Variants in BPHL observed in about 807,000 individuals in gnomAD.
BPHL encodes serine hydrolase BPHL.
In BPHL, 27 loss-of-function variants were observed where a neutral mutation model predicts 31.2. The observed-to-expected ratio is 0.87, with a 90% CI of 0.64 to 1.19. The LOEUF (loss-of-function observed/expected upper bound fraction) is 1.19, where lower values mean the gene tolerates loss of function less well. Among genes scored for constraint, BPHL ranks in the 50% most tolerant of loss-of-function variants. BPHL has a pLI of 0.00. For missense variants in BPHL, 356 were observed against 375.7 expected (o/e 0.95, Z 0.43); for synonymous variants, 150 against 146.8 (o/e 1.02, Z -0.16).
intron 1 of BPHL, among the ~76,000 whole-genome samples, chr6:3,119,094 G>T (rs1300354202): frequency 1.3e-5 from 2 of 151,654 alleles, no homozygotes; most frequent in African/African-American, 4.9e-5. Context: ...AGCCGTGGAG[G>T]CTTGGGCTAT....
At chr6:3,137,607 T>C in intron 5 of BPHL, 114 bp downstream of exon 5, 1 of 1,418,978 alleles carries the variant, frequency 7.0e-7, no homozygotes, top group East Asian at 2.3e-5. Context: ...CCTCACACGC[T>C]CATGTGTGAG....
intron 4 of BPHL, among the ~76,000 whole-genome samples, chr6:3,131,897 C>T: frequency 6.6e-6 from 1 of 152,204 alleles, no homozygotes. Flanking sequence ...AGCCCTGAGA[C>T]CTGGCGGTGC....
At chr6:3,136,710 A>G (rs1403455362) in intron 4 of BPHL, among the ~76,000 whole-genome samples, 4 of 152,236 alleles carry the variant, frequency 2.6e-5, no homozygotes, top group Non-Finnish European at 4.4e-5. Flanking sequence ...ATCTTTACTT[A>G]TCACAGTGTA....
Position 3,127,335 on chromosome 6 carries a change from C to G in BPHL, c.305C>G (p.Ser102Cys). The part of the protein sequence containing the change: ...VAWDPRGYGH[S>C]RPPDRDFPAD... ...TGGGATCCTCGAGGCTATGGACATT[C>G]CAGGCCCCCAGATCGCGATTTCCCA... Residue 102 changes from serine (S) to cysteine (C), a missense_variant, in exon 3 of 7, where the codon TCC becomes TGC. Ser to Cys is a moderately radical substitution (Grantham distance 112). Coordinates refer to ENST00000380379, the MANE Select transcript of BPHL (RefSeq NM_004332.4). 6.2e-7 allele frequency: 1 copy of G among 1,609,068 alleles called. No individual in the cohort carries two copies. Among genetic ancestry groups the G allele is most frequent in the East Asian group, 2.2e-5 (1 of 44,786 alleles).
intron 2 of BPHL, 143 bp from the exon 3 acceptor site, chr6:3,127,099 T>A (rs1761736687): frequency 1.9e-6 from 1 of 522,638 alleles, no homozygotes; most frequent in Non-Finnish European, 3.2e-6. Flanking sequence ...ATTAAGTCAT[T>A]GCAAGGCTGC....
intron 4 of BPHL, among the ~76,000 whole-genome samples, 155 bp from the exon 5 acceptor site, chr6:3,137,207 A>T (rs1762035972): frequency 1.3e-5 from 2 of 152,078 alleles, no homozygotes; most frequent in Admixed American, 1.3e-4. Flanking sequence ...CAAAGCAGCA[A>T]CCAGGGCTAA....
At chr6:3,146,922 A>G (rs1762401422) in intron 6 of BPHL, among the ~76,000 whole-genome samples, 1 of 152,112 alleles carries the variant, frequency 6.6e-6, no homozygotes, top group Non-Finnish European at 1.5e-5. Context: ...TTTGGTCACC[A>G]TGTGCTGGAT....
intron 3 of BPHL, among the ~76,000 whole-genome samples, chr6:3,127,846 A>C (rs946197396): frequency 3.3e-4 from 49 of 149,990 alleles, no homozygotes; most frequent in African/African-American, 1.1e-3. Flanking sequence ...TTTGAGACAG[A>C]GTGTTGCTCT....
chr6:3,137,288 C>G (rs1762037937), intron 4 of BPHL, 74 bp from the exon 5 acceptor site: 8 of 1,551,970 alleles, frequency 5.2e-6, no homozygotes, highest in Non-Finnish European at 7.0e-6. Context: ...AGAAGTGGCT[C>G]TTGCTCAGAA....
At chr6:3,121,501 C>T (rs1171787655) in intron 1 of BPHL, among the ~76,000 whole-genome samples, 1 of 151,914 alleles carries the variant, frequency 6.6e-6, no homozygotes, top group Non-Finnish European at 1.5e-5. Context: ...GATGGCGTTC[C>T]ACCATGTTGG....
At position 3,118,734 on chromosome 6, in the gene BPHL, T is replaced by A; in HGVS notation, c.-7T>A. ...GCGCACTCCCGGCAGCTACGCGACC[T>A]GTGACCATGGTGGCTGTGCTGGGCG... On this transcript the variant is annotated 5_prime_UTR_variant, in exon 1 of 7. Transcript: ENST00000380379. 1 of 1,260,934 alleles carries A rather than the reference T, an allele frequency of 7.9e-7. No individual in the cohort carries two copies. Among genetic ancestry groups the A allele is most frequent in the Non-Finnish European group, 1.0e-6 (1 of 999,280 alleles). The allele number at this position is 1,260,934 out of a possible 1,614,324, so 78.1% of individuals were successfully genotyped here.
At chr6:3,133,232 ACTCTT>A (rs147440771) in intron 4 of BPHL, among the ~76,000 whole-genome samples, 13,567 of 151,370 alleles carry the variant, frequency 0.09, 1,565 homozygotes, top group African/African-American at 0.26. Context: ...AGCTCACTGC[ACTCTT>A]CTCTTCTGCT....
rs979678520 is a variant in BPHL at position 3,140,839 on chromosome 6, A to G, written c.788+330A>G. On this transcript the variant is annotated intron_variant, in intron 6 of 6. Coordinates refer to ENST00000380379, the MANE Select transcript of BPHL (RefSeq NM_004332.4). The surrounding 1 kb of genome is among the most constrained non-coding windows in gnomAD (Gnocchi z 5.2). ...GTATTAACCGAAACAGTTTCACACA[A>G]TTTGGGAATTTTCAGTTTAGTTTTT... Among the ~76,000 whole-genome samples the G allele has an allele frequency of 3.3e-5, 5 of 152,222 alleles. No individual in the cohort carries two copies. The highest frequency in any genetic ancestry group is 1.2e-4 in the African/African-American group (5 of 41,458).
At chr6:3,119,334 G>A (rs539510590) in intron 1 of BPHL, 1 of 1,554,374 alleles carries the variant, frequency 6.4e-7, no homozygotes, top group East Asian at 2.4e-5. Context: ...CGGGTCCCGA[G>A]AGCCCTAAGT....
At chr6:3,120,741 T>G (rs752037061) in intron 1 of BPHL, among the ~76,000 whole-genome samples, 18 of 152,256 alleles carry the variant, frequency 1.2e-4, no homozygotes, top group Non-Finnish European at 5.9e-5. Flanking sequence ...AAATTGGATA[T>G]TATGTGCAGT....
chr6:3,119,361 G>C, intron 1 of BPHL: 1 of 1,571,292 alleles, frequency 6.4e-7, no homozygotes. Context: ...TTTGCTTGCT[G>C]ATCTCGTACC....
At chr6:3,119,470 T>C (rs745746140) in intron 1 of BPHL, 5 of 1,614,032 alleles carry the variant, frequency 3.1e-6, no homozygotes, top group Non-Finnish European at 8.5e-7. Context: ...CCCAGGAATC[T>C]GCTTTATTCT....
At chr6:3,126,989 T>C (rs1761732874) in intron 2 of BPHL, 1 of 273,854 alleles carries the variant, frequency 3.7e-6, no homozygotes, top group South Asian at 1.7e-4. Context: ...CAGGCCGGTC[T>C]CGAACTCCTG....
In BPHL at chr6:3,146,415, T is replaced by TGAGTGCTGGTTTGGGTCG. The variant is rs1201190873; in HGVS notation, c.788+5936_788+5953dup. The stretch of plus-strand genomic sequence containing the variant: ...TTTGGGTCGGAGTGCTGGTTTGGGT[T>TGAGTGCTGGTTTGGGTCG]GAGTGCTGGTTTGGGTCGGAGTGCT... On this transcript the variant is annotated intron_variant, in intron 6 of 6. Coordinates refer to ENST00000380379, the MANE Select transcript of BPHL (RefSeq NM_004332.4). Among the ~76,000 whole-genome samples, 56 of 96,964 alleles carry TGAGTGCTGGTTTGGGTCG rather than the reference T, an allele frequency of 5.8e-4. 1 individual carries two copies. The highest frequency in any genetic ancestry group is 8.9e-4 in the Non-Finnish European group (44 of 49,240). 63.6% of individuals were successfully genotyped at this position (96,964 alleles called of 152,430 possible).
Sources: allele counts gnomAD v4.1 joint callset (sites outside exome capture counted in the v4.1 genomes callset), GRCh38; gene constraint gnomAD v4.1.1; non-coding constraint Gnocchi (gnomAD v3.1); transcripts MANE v1.5; gene names NCBI Gene and HGNC (gene_info 2026-07-23, HGNC 2026-07-21).